The following TMEM63A variants were observed in gnomAD, a reference collection of about 807,000 sequenced individuals.
The protein encoded by TMEM63A is mechanosensitive cation channel TMEM63A.
A neutral mutation model predicts 100.6 loss-of-function variants in TMEM63A; 76 were observed. The observed-to-expected ratio is 0.76, with a 90% CI of 0.63 to 0.91. TMEM63A has a LOEUF of 0.91. TMEM63A is among the 40% of genes least tolerant of loss of function. TMEM63A has a pLI of 0.00. For synonymous variants in TMEM63A, 401 were observed against 401.1 expected (o/e 1.00, Z 0.00); for missense variants, 876 against 1,008.8 (o/e 0.87, Z 1.78).
chr1:225,855,292 C>T (rs1475142020), intron 18 of TMEM63A, among the ~76,000 whole-genome samples: 1 of 152,146 alleles, frequency 6.6e-6, no homozygotes, highest in Non-Finnish European at 1.5e-5. Flanking sequence ...CCTCAGTCTC[C>T]TCATCTGTAA....
intron 18 of TMEM63A, among the ~76,000 whole-genome samples, 187 bp downstream of exon 18, chr1:225,855,691 G>C (rs1669577956): frequency 6.6e-6 from 1 of 152,200 alleles, no homozygotes; most frequent in Non-Finnish European, 1.5e-5. Flanking sequence ...AAGTGGGTCA[G>C]CTCCCACAGT....
rs1243612828 is a variant in TMEM63A at position 225,867,054 on chromosome 1, A to C, written c.566+58T>G. The C allele has an allele frequency of 6.3e-7, 1 of 1,596,840 alleles. No homozygotes were observed. The highest frequency in any genetic ancestry group is 8.6e-7 in the Non-Finnish European group (1 of 1,164,526). On this transcript the variant is annotated intron_variant, in intron 8 of 24. Transcript: ENST00000366835. This position sits in a 1 kb window ranked among gnomAD's most constrained non-coding sequence, Gnocchi z 4.6. ...ACCTCTGGCCTGCCCCGGGCTCCTG[A>C]CCTGCCTTCTCCTTGATCTCACCCA...
intron 18 of TMEM63A, among the ~76,000 whole-genome samples, chr1:225,855,341 T>C (rs79556507): frequency 0.043 from 6,579 of 152,302 alleles, 436 homozygotes; most frequent in African/African-American, 0.15. Flanking sequence ...TAGCTCATTG[T>C]AAAGATACAG....
Position 225,867,041 on chromosome 1 carries a change from C to A in TMEM63A, c.566+71G>T. 6.5e-7 allele frequency: 1 copy of A among 1,549,052 alleles called. No homozygotes were observed. Among genetic ancestry groups the A allele is most frequent in the Non-Finnish European group, 8.9e-7 (1 of 1,121,096 alleles). ...CCCCCTTTGGAGTACCTCTGGCCTG[C>A]CCCGGGCTCCTGACCTGCCTTCTCC... On this transcript the variant is annotated intron_variant, in intron 8 of 24. Transcript: ENST00000366835. The surrounding 1 kb of genome is among the most constrained non-coding windows in gnomAD (Gnocchi z 4.6).
At chr1:225,849,396 C>G (rs992228256) in intron 21 of TMEM63A, among the ~76,000 whole-genome samples, 2 of 152,202 alleles carry the variant, frequency 1.3e-5, no homozygotes, top group Admixed American at 6.5e-5. Flanking sequence ...GTCTTTCCCC[C>G]AGGAGTGTCA....
At chr1:225,874,183 A>G in intron 4 of TMEM63A, 105 bp downstream of exon 4, 1 of 1,133,948 alleles carries the variant, frequency 8.8e-7, no homozygotes, top group Non-Finnish European at 1.3e-6. Flanking sequence ...ACACACACAC[A>G]CTATACACAC....
At position 225,856,743 on chromosome 1, in the gene TMEM63A, AG is replaced by A. The variant is rs1559038644; in HGVS notation, c.1485-6del. On this transcript the variant is annotated splice_polypyrimidine_tract_variant and splice_region_variant and intron_variant, in intron 16 of 24. Transcript: ENST00000366835. ...ATGATCTGGTTTTCCCCCGACCTGC[AG>A]GAAGTCAAAGGTGAGCACTCGCAGT... The A allele has an allele frequency of 6.2e-7, 1 of 1,612,268 alleles. No individual in the cohort carries two copies. The highest frequency in any genetic ancestry group is 8.5e-7 in the Non-Finnish European group (1 of 1,179,432).
At chr1:225,873,392 C>T (rs983178329) in intron 4 of TMEM63A, among the ~76,000 whole-genome samples, 1 of 152,188 alleles carries the variant, frequency 6.6e-6, no homozygotes, top group Non-Finnish European at 1.5e-5. Context: ...GGTACACCTC[C>T]TCTTCCCAGT....
chr1:225,866,006 A>G (rs1414354098), intron 9 of TMEM63A, 39 bp from the exon 10 acceptor site: 2 of 1,606,748 alleles, frequency 1.2e-6, no homozygotes, highest in African/African-American at 1.3e-5. Flanking sequence ...GTCACCCACA[A>G]GCCAGTGTGC....
chr1:225,876,017 G>T (rs1670780785), intron 3 of TMEM63A, among the ~76,000 whole-genome samples: 1 of 118,340 alleles, frequency 8.5e-6, no homozygotes, highest in African/African-American at 3.2e-5. Flanking sequence ...AGTGAATTGT[G>T]ATTATGCCAC....
Position 225,865,717 on chromosome 1 carries a change from C to A in TMEM63A, c.746+180G>T. ...GGCGCTATTCACTGCACAGCACCAG[C>A]AGGGCTGGCACACAGGAGCCACTCC... On this transcript the variant is annotated intron_variant, in intron 10 of 24. Coordinates refer to ENST00000366835, the MANE Select transcript of TMEM63A (RefSeq NM_014698.3). The surrounding 1 kb of genome is among the most constrained non-coding windows in gnomAD (Gnocchi z 4.6). 1.6e-6 allele frequency: 1 copy of A among 619,860 alleles called. No individual in the cohort carries two copies. 38.4% of individuals were successfully genotyped at this position (619,860 alleles called of 1,614,324 possible). A position where few individuals can be genotyped will look rare whatever the true frequency, so the allele number is the denominator to read the frequency against.
At position 225,856,327 on chromosome 1, in the gene TMEM63A, G is replaced by GTTTT. The variant is rs71574544; in HGVS notation, c.1571+321_1571+324dup. On this transcript the variant is annotated intron_variant, in intron 17 of 24. Transcript: ENST00000366835. ...GCCTGGCCACAAAATTTTCAAGCTG[G>GTTTT]TTTTTTTTTTTTTTTTTTTTGAGAC... Among the ~76,000 whole-genome samples, 305 of 108,006 alleles carry GTTTT rather than the reference G, an allele frequency of 2.8e-3. 5 individuals carry two copies. In the East Asian group the frequency reaches 0.028, roughly 10 times the overall value. 70.9% of individuals were successfully genotyped at this position (108,006 alleles called of 152,430 possible). A position where few individuals can be genotyped will look rare whatever the true frequency, so the allele number is the denominator to read the frequency against.
chr1:225,869,736 C>T (rs1380049725), intron 6 of TMEM63A, among the ~76,000 whole-genome samples: 2 of 136,994 alleles, frequency 1.5e-5, no homozygotes, highest in Non-Finnish European at 3.0e-5. Flanking sequence ...GATCTTGGCT[C>T]ACTGCGACCT....
chr1:225,858,101 G>A (rs1166602894), intron 15 of TMEM63A, among the ~76,000 whole-genome samples: 1 of 152,120 alleles, frequency 6.6e-6, no homozygotes, highest in Non-Finnish European at 1.5e-5. Flanking sequence ...TGAAGACAAG[G>A]AGGCCCACCT....
rs74229306 is a variant in TMEM63A at position 225,862,978 on chromosome 1, G to A, written c.747-127C>T. ...TCTCGCTGCTGGTTTCTGTGCCAGCGGAGACCTCTCTTCTCTTTGTCTTTT... is the reference window on the plus strand; with the variant it reads ...TCTCGCTGCTGGTTTCTGTGCCAGCAGAGACCTCTCTTCTCTTTGTCTTTT... On this transcript the variant is annotated intron_variant, in intron 10 of 24. Coordinates refer to ENST00000366835, the MANE Select transcript of TMEM63A (RefSeq NM_014698.3). The surrounding 1 kb of genome is among the most constrained non-coding windows in gnomAD (Gnocchi z 5.1). 0.049 allele frequency: 41,620 copies of A among 845,318 alleles called. 1,437 individuals carry two copies. Among genetic ancestry groups the A allele is most frequent in the East Asian group, 0.15 (5,731 of 37,372 alleles). 52.4% of individuals were successfully genotyped at this position (845,318 alleles called of 1,614,324 possible). A position where few individuals can be genotyped will look rare whatever the true frequency, so the allele number is the denominator to read the frequency against.
At chr1:225,872,187 TG>T in intron 4 of TMEM63A, 134 bp from the exon 5 acceptor site, 2 of 636,658 alleles carry the variant, frequency 3.1e-6, no homozygotes, top group South Asian at 3.9e-5. Context: ...CCTCGATGGC[TG>T]GGACAAAATA....
In TMEM63A at chr1:225,879,374, G is replaced by C. The variant is rs979852429; in HGVS notation, c.-169C>G. 2 of 152,342 alleles carry C rather than the reference G, an allele frequency of 1.3e-5. No homozygotes were observed. The highest frequency in any genetic ancestry group is 4.8e-5 in the African/African-American group (2 of 41,436). 9.4% of individuals were successfully genotyped at this position (152,342 alleles called of 1,614,324 possible). A position where few individuals can be genotyped will look rare whatever the true frequency, so the allele number is the denominator to read the frequency against. ...CACTCATGTCCTGCAGGGCTTTCCT[G>C]ACCAGCGAGTCCTGGGGTACCAAAC... On this transcript the variant is annotated 5_prime_UTR_variant, in exon 2 of 25. Coordinates refer to ENST00000366835, the MANE Select transcript of TMEM63A (RefSeq NM_014698.3).
intron 6 of TMEM63A, among the ~76,000 whole-genome samples, chr1:225,870,155 G>C (rs805179): frequency 6.6e-6 from 1 of 151,706 alleles, no homozygotes; most frequent in African/African-American, 2.4e-5. Context: ...TTGGAGATCC[G>C]CGTGACCAAC....
chr1:225,856,517 G>C, intron 17 of TMEM63A, 135 bp downstream of exon 17: 6 of 782,010 alleles, frequency 7.7e-6, no homozygotes, highest in Non-Finnish European at 8.4e-6. Flanking sequence ...CCTACTGCAC[G>C]CCGAGTGGTT....
Sources: allele counts gnomAD v4.1 joint callset (sites outside exome capture counted in the v4.1 genomes callset), GRCh38; gene constraint gnomAD v4.1.1; non-coding constraint Gnocchi (gnomAD v3.1); transcripts MANE v1.5; gene names NCBI Gene and HGNC (gene_info 2026-07-23, HGNC 2026-07-21).